The following ORC1 variants were observed in gnomAD, a reference collection of about 807,000 sequenced individuals.
ORC1 encodes the protein origin recognition complex subunit 1.
In ORC1, 61 loss-of-function variants were observed where a neutral mutation model predicts 98.9. The observed-to-expected ratio is 0.62, with a 90% CI of 0.50 to 0.76. The LOEUF (loss-of-function observed/expected upper bound fraction) is 0.76. ORC1 is among the 30% of genes least tolerant of loss of function. ORC1 has a pLI of 0.00. For synonymous variants in ORC1, 385 were observed against 406.9 expected, an observed-to-expected ratio of 0.95 and a Z score of 0.65; for missense variants, 979 against 1,072.2, an observed-to-expected ratio of 0.91 and a Z score of 1.21.
intron 6 of ORC1, among the ~76,000 whole-genome samples, 164 bp downstream of exon 6, chr1:52,393,279 C>T (rs557765208): frequency 3.3e-4 from 51 of 152,320 alleles, no homozygotes; most frequent in African/African-American, 1.1e-3. Context: ...GTCTGACTCA[C>T]TAGGTGTGGG....
chr1:52,408,555 C>A (rs566919788), upstream of ORC1: 5 of 1,613,922 alleles, frequency 3.1e-6, no homozygotes, highest in Non-Finnish European at 4.2e-6. Flanking sequence ...GTTTCACTGT[C>A]ATCTGTCTCT....
intron 5 of ORC1, 23 bp downstream of exon 5, chr1:52,396,023 C>G: frequency 6.2e-7 from 1 of 1,614,138 alleles, no homozygotes; most frequent in South Asian, 1.1e-5. Context: ...GTATTGCCCA[C>G]GGTGATCCAT....
At chr1:52,404,911 C>T (rs765536664), upstream of ORC1, 12 of 1,608,706 alleles carry the variant, frequency 7.5e-6, no homozygotes, top group East Asian at 8.9e-5. Context: ...GCCTCTCAGC[C>T]CCCTTGTGGC....
intron 1 of ORC1, among the ~76,000 whole-genome samples, chr1:52,403,869 C>T (rs1249819131): frequency 6.6e-6 from 1 of 152,164 alleles, no homozygotes; most frequent in Non-Finnish European, 1.5e-5. Context: ...ACCTCTGCTC[C>T]GCCTTCCCTG....
At position 52,375,605 on chromosome 1, in the gene ORC1, A is replaced by G. The variant is rs1226081986; in HGVS notation, c.2134-6T>C. 6.2e-7 allele frequency: 1 copy of G among 1,613,382 alleles called. No individual in the cohort carries two copies. Among genetic ancestry groups the G allele is most frequent in the Non-Finnish European group, 8.5e-7 (1 of 1,179,958 alleles). On this transcript the variant is annotated splice_region_variant and splice_polypyrimidine_tract_variant and intron_variant, in intron 14 of 16. Coordinates refer to ENST00000371568, the MANE Select transcript of ORC1 (RefSeq NM_004153.4). ...TCTCCAGACAGTGCTGCTACCTACA[A>G]GAGGGAATATTTTATTCCTGAGGCC...
chr1:52,401,654 A>G (rs1272417959), intron 2 of ORC1, among the ~76,000 whole-genome samples, 165 bp from the exon 3 acceptor site: 1 of 152,138 alleles, frequency 6.6e-6, no homozygotes, highest in African/African-American at 2.4e-5. Flanking sequence ...AATAGGCAAA[A>G]TGGGTTGAAT....
rs933667887 is a variant in ORC1 at position 52,383,547 on chromosome 1, T to C, written c.1886A>G (p.Lys629Arg). The C allele has an allele frequency of 6.2e-7, 1 of 1,614,092 alleles. No homozygotes were observed. The highest frequency in any genetic ancestry group is 1.1e-5 in the South Asian group (1 of 91,074). Residue 629 changes from lysine to arginine, a missense_variant, in exon 13 of 17, where the codon AAA becomes AGA. By Grantham distance (26) the Lys-to-Arg change is conservative. Coordinates refer to ENST00000371568, the MANE Select transcript of ORC1 (RefSeq NM_004153.4). ...VDELDLLWTH[K>R]QDIMYNLFDW... The stretch of plus-strand genomic sequence containing the variant: ...AAAGAGATTGTACATTATGTCTTGT[T>C]TGTGAGTCCACAGAAGGTCGAGCTG...
chr1:52,379,032 CAA>C (rs999288237), intron 14 of ORC1, among the ~76,000 whole-genome samples: 1 of 142,192 alleles, frequency 7.0e-6, no homozygotes. Flanking sequence ...GACTCCGTCT[CAA>C]AAAAAAAAAT....
chr1:52,378,001 A>G (rs192856107), intron 14 of ORC1, among the ~76,000 whole-genome samples: 4 of 152,250 alleles, frequency 2.6e-5, no homozygotes, highest in Non-Finnish European at 5.9e-5. Context: ...TGGGCAAGAG[A>G]TTTGAGGAAG....
At chr1:52,405,000 T>G (rs1647934634), upstream of ORC1, 1 of 1,242,760 alleles carries the variant, frequency 8.0e-7, no homozygotes, top group South Asian at 1.5e-5. Context: ...TGTCGATCAT[T>G]CAGAAAAATT....
At position 52,385,911 on chromosome 1, in the gene ORC1, G is replaced by A. The variant is rs1473881898; in HGVS notation, c.1422C>T (p.Ile474=). The A allele has an allele frequency of 1.9e-6, 3 of 1,613,824 alleles. No homozygotes were observed. The highest frequency in any genetic ancestry group is 2.5e-6 in the Non-Finnish European group (3 of 1,179,992). ...CCTGGGCAGCCAGGCTTCGACTACG[G>A]ATCTGAGGAGCGGCACAACGTGGCG... ...PRTPRCAAPQ[I]RSRSLAAQEP... is the part of the protein sequence containing the mutation. Residue 474 remains isoleucine, a synonymous_variant, in exon 9 of 17, where the codon ATC becomes ATT. Transcript: ENST00000371568.
chr1:52,384,076 C>T (rs1236750737), intron 11 of ORC1, 139 bp from the exon 12 acceptor site: 2 of 726,820 alleles, frequency 2.8e-6, no homozygotes, highest in East Asian at 2.6e-5. Context: ...CTAGTCTTAA[C>T]CTTTACTTGG....
At chr1:52,384,214 C>T (rs1440887925) in intron 11 of ORC1, among the ~76,000 whole-genome samples, 1 of 152,208 alleles carries the variant, frequency 6.6e-6, no homozygotes, top group South Asian at 2.1e-4. Flanking sequence ...TGGATGTTAC[C>T]TGCTCCAAAA....
upstream of ORC1, chr1:52,404,656 C>G (rs1226461179): frequency 4.2e-6 from 6 of 1,422,816 alleles, no homozygotes; most frequent in African/African-American, 1.4e-5. Context: ...AGTGAAACTT[C>G]TTCCACCTTT....
At chr1:52,399,355 C>T (rs1015012859) in intron 3 of ORC1, among the ~76,000 whole-genome samples, 8 of 151,928 alleles carry the variant, frequency 5.3e-5, no homozygotes, top group Middle Eastern at 3.4e-3. Context: ...CCAGGTGCGG[C>T]GGCTCACGCC....
chr1:52,387,201 A>G (rs1027817566), intron 8 of ORC1, among the ~76,000 whole-genome samples: 1 of 152,082 alleles, frequency 6.6e-6, no homozygotes, highest in African/African-American at 2.4e-5. Context: ...TTACCACCTG[A>G]GCTCTGCCTT....
chr1:52,375,610 G>T lies in ORC1; in HGVS notation c.2134-11C>A, dbSNP rs1454811438. 2 of 1,613,080 alleles carry T rather than the reference G, an allele frequency of 1.2e-6. No individual in the cohort carries two copies. On this transcript the variant is annotated splice_polypyrimidine_tract_variant and intron_variant, in intron 14 of 16. Transcript: ENST00000371568. ...AGACAGTGCTGCTACCTACAAGAGGGAATATTTTATTCCTGAGGCCACCTT... is the reference window on the plus strand; with the variant it reads ...AGACAGTGCTGCTACCTACAAGAGGTAATATTTTATTCCTGAGGCCACCTT...
intron 16 of ORC1, among the ~76,000 whole-genome samples, chr1:52,374,438 A>C (rs1646969600): frequency 6.6e-6 from 1 of 152,206 alleles, no homozygotes; most frequent in African/African-American, 2.4e-5. Context: ...GATCCCTCTC[A>C]CTTGATCTAA....
At chr1:52,392,136 T>TC (rs1320775021) in intron 6 of ORC1, among the ~76,000 whole-genome samples, 1 of 151,748 alleles carries the variant, frequency 6.6e-6, no homozygotes, top group Non-Finnish European at 1.5e-5. Flanking sequence ...AGGGAACACT[T>TC]CTTTTTTTTT....
Sources: gnomAD v4.1 joint callset for allele counts (sites outside exome capture counted in the v4.1 genomes callset) on GRCh38, gnomAD v4.1.1 for gene constraint, MANE v1.5 for transcripts, NCBI Gene and HGNC (gene_info 2026-07-23, HGNC 2026-07-21) for gene names.